The following CSNK1G1 variants were observed in gnomAD, a reference collection of about 807,000 sequenced individuals.
CSNK1G1 encodes casein kinase I isoform gamma-1.
CSNK1G1 carries 22 observed loss-of-function variants against 59.6 expected under a neutral mutation model. The ratio of observed to expected loss-of-function variants is 0.37; its 90% CI spans 0.26 to 0.53. CSNK1G1 has a LOEUF of 0.53. CSNK1G1 is among the 20% of genes least tolerant of loss of function. CSNK1G1 has a pLI of 0.89. For missense variants in CSNK1G1, 384 were observed against 519.5 expected, an observed-to-expected ratio of 0.74 and a Z score of 2.54; for synonymous variants, 179 against 177.1, an observed-to-expected ratio of 1.01 and a Z score of -0.08.
At chr15:64,324,859 A>G (rs1209643566) in intron 1 of CSNK1G1, among the ~76,000 whole-genome samples, 3 of 152,240 alleles carry the variant, frequency 2.0e-5, no homozygotes, top group Non-Finnish European at 4.4e-5. Flanking sequence ...TGTGCAACAA[A>G]TGCACATGGT....
chr15:64,353,934 AATATT>A (rs1465226036), intron 1 of CSNK1G1, among the ~76,000 whole-genome samples: 3 of 152,190 alleles, frequency 2.0e-5, no homozygotes, highest in African/African-American at 4.8e-5. Context: ...TTGTTTTCTG[AATATT>A]ATATAAGTTT....
chr15:64,334,965 A>G (rs1468270901), intron 1 of CSNK1G1, among the ~76,000 whole-genome samples: 2 of 152,190 alleles, frequency 1.3e-5, no homozygotes, highest in Non-Finnish European at 2.9e-5. Context: ...AAGCTTAGAG[A>G]CCACAATATT....
intron 10 of CSNK1G1, among the ~76,000 whole-genome samples, chr15:64,193,182 A>G (rs1044037506): frequency 6.6e-6 from 1 of 152,080 alleles, no homozygotes; most frequent in African/African-American, 2.4e-5. Context: ...GGTGGGGGTA[A>G]GACGGAAGAA....
Position 64,229,939 on chromosome 15 carries a change from T to TTTTA in CSNK1G1, c.293-13227_293-13226insTAAA, listed in dbSNP as rs768405168. Among the ~76,000 whole-genome samples, 249 of 121,528 alleles carry TTTTA rather than the reference T, an allele frequency of 2.0e-3. 6 individuals are homozygous for TTTTA. Among genetic ancestry groups the TTTTA allele is most frequent in the Non-Finnish European group, 3.6e-3 (212 of 59,174 alleles). The allele number at this position is 121,528 out of a possible 152,430, so 79.7% of individuals were successfully genotyped here. A position where few individuals can be genotyped will look rare whatever the true frequency, so the allele number is the denominator to read the frequency against. ...TTTTTTTTTTTTTTTTTTTTTTTTT[T>TTTTA]AAGACAGAATCTCACTCTGTCGCCC... On this transcript the variant is annotated intron_variant, in intron 4 of 11. Transcript: ENST00000303052.
chr15:64,172,068 G>T, intron 11 of CSNK1G1, 83 bp from the exon 12 acceptor site: 1 of 1,330,474 alleles, frequency 7.5e-7, no homozygotes, highest in Non-Finnish European at 1.1e-6. Flanking sequence ...TTACTGCAGG[G>T]GTGGAATTTT....
chr15:64,204,410 G>T lies in CSNK1G1; in HGVS notation c.999+31C>A, dbSNP rs148023099. On this transcript the variant is annotated intron_variant, in intron 9 of 11. Coordinates refer to ENST00000303052, the MANE Select transcript of CSNK1G1 (RefSeq NM_022048.5). Reference sequence around the variant, plus strand: ...CTGGTTGGAGAAAGGAGGTAATGAGGTTAAAAAAAAAAAAAAAAAAGGATA... The same window carrying T: ...CTGGTTGGAGAAAGGAGGTAATGAGTTTAAAAAAAAAAAAAAAAAAGGATA... 6.3e-4 allele frequency: 858 copies of T among 1,352,384 alleles called. 3 individuals are homozygous for T. The African/African-American group carries it at 0.013, about 20-fold the overall frequency. 83.8% of individuals were successfully genotyped at this position (1,352,384 alleles called of 1,614,324 possible). A position where few individuals can be genotyped will look rare whatever the true frequency, so the allele number is the denominator to read the frequency against.
intron 3 of CSNK1G1, among the ~76,000 whole-genome samples, chr15:64,255,429 C>T (rs989565917): frequency 6.6e-5 from 10 of 152,188 alleles, no homozygotes; most frequent in Non-Finnish European, 8.8e-5. Flanking sequence ...TAACTTCCCT[C>T]GACAATTCAT....
intron 1 of CSNK1G1, among the ~76,000 whole-genome samples, chr15:64,346,835 T>G (rs1028412645): frequency 6.6e-6 from 1 of 152,144 alleles, no homozygotes; most frequent in Non-Finnish European, 1.5e-5. Context: ...TATTAAAAAC[T>G]TCTGCACTAT....
At chr15:64,186,799 G>A (rs928564542) in intron 10 of CSNK1G1, among the ~76,000 whole-genome samples, 2 of 151,966 alleles carry the variant, frequency 1.3e-5, no homozygotes, top group Non-Finnish European at 2.9e-5. Context: ...GTTAGCCACT[G>A]TGCCTGGCTC....
rs1019805761 is a variant in CSNK1G1 at position 64,188,522 on chromosome 15, G to C, written c.1108-8068C>G. ...TTAGAAAGCATGAGAGCAAGATATG[G>C]AAGGAAAGGTGAAGCAACAGCAAGC... On this transcript the variant is annotated intron_variant, in intron 10 of 11. Transcript: ENST00000303052. The surrounding 1 kb of genome is among the most constrained non-coding windows in gnomAD (Gnocchi z 4.2). 8 of 1,446,504 alleles carry C rather than the reference G, an allele frequency of 5.5e-6. No homozygotes were observed. Among genetic ancestry groups the C allele is most frequent in the Non-Finnish European group, 7.5e-6 (8 of 1,067,582 alleles). 89.6% of individuals were successfully genotyped at this position (1,446,504 alleles called of 1,614,324 possible).
chr15:64,225,589 T>C (rs2082449472), intron 4 of CSNK1G1, among the ~76,000 whole-genome samples: 1 of 152,152 alleles, frequency 6.6e-6, no homozygotes, highest in Non-Finnish European at 1.5e-5. Flanking sequence ...GCATAACCTA[T>C]CAGAAGCCCC....
chr15:64,186,141 G>A (rs1373582029), intron 10 of CSNK1G1, among the ~76,000 whole-genome samples: 1 of 151,914 alleles, frequency 6.6e-6, no homozygotes, highest in Non-Finnish European at 1.5e-5. Flanking sequence ...GAGTCTTGTT[G>A]TGTCGCCCAG....
chr15:64,242,414 C>T (rs1263316712), intron 4 of CSNK1G1, among the ~76,000 whole-genome samples: 1 of 152,102 alleles, frequency 6.6e-6, no homozygotes, highest in Non-Finnish European at 1.5e-5. Context: ...GACTCCCAGT[C>T]ACTCTTCTTC....
At chr15:64,255,017 T>C (rs547169327) in intron 3 of CSNK1G1, among the ~76,000 whole-genome samples, 6 of 152,306 alleles carry the variant, frequency 3.9e-5, no homozygotes, top group African/African-American at 1.4e-4. Context: ...GGTATCCAGT[T>C]TTTCTGGCAT....
intron 10 of CSNK1G1, among the ~76,000 whole-genome samples, chr15:64,196,435 A>G (rs2082039518): frequency 2.0e-5 from 3 of 152,122 alleles, no homozygotes; most frequent in Admixed American, 2.0e-4. Context: ...GATGGAAAAG[A>G]ACTAATAAGA....
At chr15:64,173,623 T>TC (rs1376549479) in intron 11 of CSNK1G1, among the ~76,000 whole-genome samples, 7 of 139,640 alleles carry the variant, frequency 5.0e-5, no homozygotes, top group Admixed American at 2.8e-4. Context: ...TCTTTTCTTT[T>TC]TTTTTTTTTT....
chr15:64,217,157 G>C lies in CSNK1G1; in HGVS notation c.293-444C>G, dbSNP rs76596043. On this transcript the variant is annotated intron_variant, in intron 4 of 11. Coordinates refer to ENST00000303052, the MANE Select transcript of CSNK1G1 (RefSeq NM_022048.5). ...CTGCCATAGCCACATGGGCTATTTG[G>C]AACTGTTGCCCTATGGACAACTCAG... Among the ~76,000 whole-genome samples, 1,267 of 152,344 alleles carry C rather than the reference G, an allele frequency of 8.3e-3. 17 individuals carry two copies. Among genetic ancestry groups the C allele is most frequent in the African/African-American group, 0.029 (1,212 of 41,578 alleles).
rs147345669 is a variant in CSNK1G1, at chr15:64,276,773, G to T, written c.182-17532C>A. Reference sequence around the variant, plus strand: ...ATCCTGGCTAACACAGTGAAACCCTGTCTCTAATAAAAAATACAAAAAAAT... The same window carrying T: ...ATCCTGGCTAACACAGTGAAACCCTTTCTCTAATAAAAAATACAAAAAAAT... On this transcript the variant is annotated intron_variant, in intron 2 of 11. Coordinates refer to ENST00000303052, the MANE Select transcript of CSNK1G1 (RefSeq NM_022048.5). Among the ~76,000 whole-genome samples the T allele has an allele frequency of 2.9e-3, 437 of 152,032 alleles. 2 individuals are homozygous for T. The highest frequency in any genetic ancestry group is 9.7e-3 in the African/African-American group (404 of 41,514).
At chr15:64,193,411 T>A (rs1015757161) in intron 10 of CSNK1G1, among the ~76,000 whole-genome samples, 1 of 149,896 alleles carries the variant, frequency 6.7e-6, no homozygotes, top group East Asian at 2.0e-4. Context: ...GAGAATTGCT[T>A]GAACCTGGGA....
Sources: allele counts gnomAD v4.1 joint callset (sites outside exome capture counted in the v4.1 genomes callset), GRCh38; gene constraint gnomAD v4.1.1; non-coding constraint Gnocchi (gnomAD v3.1); transcripts MANE v1.5; gene names NCBI Gene and HGNC (gene_info 2026-07-23, HGNC 2026-07-21).